The following LIPC variants were observed in gnomAD, a reference collection of about 807,000 sequenced individuals.
The protein encoded by LIPC is lipase C, hepatic type.
A neutral mutation model predicts 50.7 loss-of-function variants in LIPC; 44 were observed. That is an observed-to-expected ratio of 0.87 (90% CI 0.68 to 1.11). The LOEUF is 1.11. Among genes scored for constraint, LIPC ranks in the 50% most tolerant of loss-of-function variants. The probability of loss-of-function intolerance (pLI) is 0.00; values close to 1 mark genes in which losing one functional copy is unlikely to be tolerated. For synonymous variants in LIPC, 271 were observed against 256.4 expected (o/e 1.06, Z -0.54); for missense variants, 697 against 648.2 (o/e 1.08, Z -0.82).
chr15:58,503,554 A>C (rs1400553104), intron 1 of LIPC, among the ~76,000 whole-genome samples: 1 of 152,196 alleles, frequency 6.6e-6, no homozygotes, highest in Non-Finnish European at 1.5e-5. Context: ...CCTACTGGAC[A>C]CATTCAAACA....
chr15:58,532,054 T>C (rs1165764285), intron 1 of LIPC, among the ~76,000 whole-genome samples: 1 of 152,150 alleles, frequency 6.6e-6, no homozygotes, highest in African/African-American at 2.4e-5. Context: ...CAAAGTTTAG[T>C]AACTATTGTG....
intron 1 of LIPC, among the ~76,000 whole-genome samples, chr15:58,532,217 C>T (rs1892981127): frequency 6.6e-6 from 1 of 152,184 alleles, no homozygotes; most frequent in Non-Finnish European, 1.5e-5. Context: ...CCAGACAAAG[C>T]TCAGCAACAG....
chr15:58,544,391 C>CTTTTTTTTTTTTTTTTTTTTTTTTT (rs572161614), intron 4 of LIPC, among the ~76,000 whole-genome samples: 3 of 110,272 alleles, frequency 2.7e-5, no homozygotes, highest in Non-Finnish European at 1.8e-5. Context: ...TTCTTTTTCT[C>CTTTTTTTTTTTTTTTTTTTTTTTTT]TTTCTTTTTT....
At chr15:58,509,182 T>C (rs931832424) in intron 1 of LIPC, among the ~76,000 whole-genome samples, 4 of 152,226 alleles carry the variant, frequency 2.6e-5, no homozygotes, top group Admixed American at 6.5e-5. Context: ...ATCAATCCAC[T>C]GTGAATGGTT....
chr15:58,548,231 T>C (rs1307958104), intron 5 of LIPC, 99 bp from the exon 6 acceptor site: 2 of 1,528,624 alleles, frequency 1.3e-6, no homozygotes, highest in African/African-American at 2.7e-5. Context: ...TTCTGTGTGC[T>C]ACTGCTAACC....
intron 1 of LIPC, chr15:58,521,333 GT>G (rs1892644529): frequency 6.6e-6 from 1 of 152,282 alleles, no homozygotes; most frequent in Non-Finnish European, 1.5e-5. Flanking sequence ...TTAGAGCCTA[GT>G]CATGAAATGG....
intron 1 of LIPC, among the ~76,000 whole-genome samples, chr15:58,500,013 G>A (rs986704379): frequency 1.3e-5 from 2 of 152,174 alleles, no homozygotes; most frequent in African/African-American, 4.8e-5. Flanking sequence ...AGTAAGGAGA[G>A]TAAGGTATAG....
At chr15:58,505,597 CTCTT>C (rs1306262457) in intron 1 of LIPC, among the ~76,000 whole-genome samples, 16 of 152,292 alleles carry the variant, frequency 1.1e-4, no homozygotes, top group Admixed American at 9.8e-4. Flanking sequence ...GGCAGCTCCT[CTCTT>C]TATTGTACCA....
intron 6 of LIPC, among the ~76,000 whole-genome samples, chr15:58,552,314 G>A (rs1893790783): frequency 6.6e-6 from 1 of 152,216 alleles, no homozygotes; most frequent in Non-Finnish European, 1.5e-5. Context: ...TCAGGGCAAA[G>A]TCACACAATT....
intron 7 of LIPC, among the ~76,000 whole-genome samples, chr15:58,562,422 G>C (rs1168864151): frequency 6.6e-6 from 1 of 152,106 alleles, no homozygotes; most frequent in African/African-American, 2.4e-5. Flanking sequence ...CTTTTGACTT[G>C]GCACAGATTT....
chr15:58,519,268 G>A (rs368228625), intron 1 of LIPC, among the ~76,000 whole-genome samples: 1 of 151,918 alleles, frequency 6.6e-6, no homozygotes, highest in African/African-American at 2.4e-5. Context: ...AAAATTAGCC[G>A]AGCGTGGTGG....
intron 2 of LIPC, 65 bp from the exon 3 acceptor site, chr15:58,541,720 A>T (rs1893330791): frequency 1.3e-6 from 2 of 1,498,954 alleles, no homozygotes; most frequent in Non-Finnish European, 1.8e-6. Flanking sequence ...CAGGAGCTGG[A>T]GAAGGAAGAA....
chr15:58,514,428 T>C (rs1331047248), intron 1 of LIPC, among the ~76,000 whole-genome samples: 1 of 152,232 alleles, frequency 6.6e-6, no homozygotes, highest in Non-Finnish European at 1.5e-5. Context: ...TATGCACTAT[T>C]TCATTATACC....
chr15:58,535,671 A>G (rs10518984), intron 1 of LIPC, among the ~76,000 whole-genome samples: 23,509 of 152,194 alleles, frequency 0.15, 4,570 homozygotes, highest in African/African-American at 0.45. Context: ...AGATGCTCCA[A>G]TTGGTACTTA....
At chr15:58,558,561 G>A (rs1426156967) in intron 6 of LIPC, among the ~76,000 whole-genome samples, 5 of 152,012 alleles carry the variant, frequency 3.3e-5, no homozygotes, top group African/African-American at 4.8e-5. Flanking sequence ...AAGCATAACC[G>A]CCTGAGCTCC....
chr15:58,461,721 T>C (rs1366152697), intron 1 of LIPC, among the ~76,000 whole-genome samples: 1 of 151,976 alleles, frequency 6.6e-6, no homozygotes, highest in Non-Finnish European at 1.5e-5. Flanking sequence ...CCCCGCCACC[T>C]ATGTTCTTAA....
chr15:58,463,388 A>C (rs1894423691), intron 1 of LIPC, among the ~76,000 whole-genome samples: 1 of 152,178 alleles, frequency 6.6e-6, no homozygotes, highest in African/African-American at 2.4e-5. Flanking sequence ...GACCCAGACC[A>C]CACCAAGCTT....
chr15:58,476,761 T>C (rs1463165849), intron 1 of LIPC, among the ~76,000 whole-genome samples: 2 of 152,192 alleles, frequency 1.3e-5, no homozygotes, highest in Non-Finnish European at 2.9e-5. Context: ...TCCCCACCTA[T>C]GAAACAAGCC....
intron 8 of LIPC, among the ~76,000 whole-genome samples, chr15:58,567,302 T>TAC (rs1217613947): frequency 4.0e-5 from 1 of 24,706 alleles, no homozygotes. Context: ...TACATATATA[T>TAC]ATACATATAT....
Sources: gnomAD v4.1 joint callset for allele counts (sites outside exome capture counted in the v4.1 genomes callset) on GRCh38, gnomAD v4.1.1 for gene constraint, MANE v1.5 for transcripts, NCBI Gene and HGNC (gene_info 2026-07-23, HGNC 2026-07-21) for gene names.